Variants in ATP13A1 observed in about 807,000 individuals in gnomAD.
ATP13A1 encodes ATPase 13A1.
ATP13A1 carries 55 observed loss-of-function variants against 134.8 expected under a neutral mutation model. That is an observed-to-expected ratio of 0.41 (90% CI 0.33 to 0.51). The LOEUF (loss-of-function observed/expected upper bound fraction) is 0.51. Ranked by LOEUF, ATP13A1 falls within the 20% of genes least tolerant of loss-of-function variation. The probability of loss-of-function intolerance (pLI) is 0.29; values close to 1 mark genes in which losing one functional copy is unlikely to be tolerated. For synonymous variants in ATP13A1, 775 were observed against 725.1 expected (o/e 1.07, Z -1.10); for missense variants, 1,389 against 1,652.8 (o/e 0.84, Z 2.77).
chr19:19,645,714 A>G lies in ATP13A1; in HGVS notation c.3437T>C (p.Ile1146Thr), dbSNP rs367952388. ...WSLAVSLLAIIGLLLGSSPDF... is the reference protein window; with the variant it reads ...WSLAVSLLAITGLLLGSSPDF... Reference sequence around the variant, plus strand: ...GGGCGAGGAGCCGAGGAGCAGGCCAATGATGGCCAGGAGTGAAACTGCCAG... The same window carrying G: ...GGGCGAGGAGCCGAGGAGCAGGCCAGTGATGGCCAGGAGTGAAACTGCCAG... Residue 1146 changes from isoleucine to threonine, a missense_variant, in exon 25 of 26, where the codon ATT (isoleucine) becomes ACT (threonine). Physicochemically the swap from Ile to Thr is moderately conservative, Grantham distance 89. Transcript: ENST00000357324. This position sits in a 1 kb window ranked among gnomAD's most constrained non-coding sequence, Gnocchi z 4.1. 39 of 1,592,966 alleles carry G rather than the reference A, an allele frequency of 2.4e-5. No individual in the cohort carries two copies. The highest frequency in any genetic ancestry group is 2.0e-4 in the Admixed American group (11 of 55,590).
intron 1 of ATP13A1, 43 bp downstream of exon 1, chr19:19,663,228 G>A: frequency 1.3e-6 from 2 of 1,556,490 alleles, no homozygotes; most frequent in Non-Finnish European, 1.7e-6. Flanking sequence ...CCCACGGCGA[G>A]GCTCGACCGT....
In ATP13A1 at chr19:19,655,001, G is replaced by A. The variant is rs1326414900; in HGVS notation, c.1655+118C>T. 10 of 1,454,770 alleles carry A rather than the reference G, an allele frequency of 6.9e-6. No homozygotes were observed. Among genetic ancestry groups the A allele is most frequent in the Admixed American group, 4.5e-5 (2 of 44,138 alleles). 90.1% of individuals were successfully genotyped at this position (1,454,770 alleles called of 1,614,324 possible). A position where few individuals can be genotyped will look rare whatever the true frequency, so the allele number is the denominator to read the frequency against. On this transcript the variant is annotated intron_variant, in intron 12 of 25. Coordinates refer to ENST00000357324, the MANE Select transcript of ATP13A1 (RefSeq NM_020410.3). This position sits in a 1 kb window ranked among gnomAD's most constrained non-coding sequence, Gnocchi z 5.7. ...GTGGGGAGCCCCTGGAAATGAACCC[G>A]AGGCAGGGCCTCTGACGGGCCCTCA...
In ATP13A1 at chr19:19,656,748, T is replaced by C. The variant is rs1056118291; in HGVS notation, c.995A>G (p.Asn332Ser). ...IVSIGRSPQE[N>S]LVPCDVLLLR... ...CAGAAGCACGTCACATGGCACCAGG[T>C]TCTCCTGTGGGGAGCGGCCTGCAGG... is the stretch of plus-strand genomic sequence containing the variant. Residue 332 changes from asparagine (N) to serine (S), a missense_variant, in exon 7 of 26, where the codon AAC becomes AGC. Transcript: ENST00000357324. The surrounding 1 kb of genome is among the most constrained non-coding windows in gnomAD (Gnocchi z 4.6). 2 of 1,613,714 alleles carry C rather than the reference T, an allele frequency of 1.2e-6. No individual in the cohort carries two copies.
In ATP13A1 at chr19:19,654,036, T is replaced by C; in HGVS notation, c.1922A>G (p.Lys641Arg). ...KRMSVLASYE[K>R]LGSTDLCYIA... ...GTAGCAGAGGTCGGTGGAGCCCAGCTTCTCATACGAGGCAAGCACGGACAT... is the reference window on the plus strand; with the variant it reads ...GTAGCAGAGGTCGGTGGAGCCCAGCCTCTCATACGAGGCAAGCACGGACAT... Residue 641 changes from lysine (K) to arginine (R), a missense_variant, in exon 14 of 26, where the codon AAG becomes AGG. By Grantham distance (26) the Lys-to-Arg change is conservative. Around this residue, in one of 4 missense-constraint regions of ATP13A1, gnomAD observed 747 missense variants for 956.1 expected, o/e 0.78. Coordinates refer to ENST00000357324, the MANE Select transcript of ATP13A1 (RefSeq NM_020410.3). 6.3e-7 allele frequency: 1 copy of C among 1,598,112 alleles called. No homozygotes were observed. Among genetic ancestry groups the C allele is most frequent in the African/African-American group, 1.3e-5 (1 of 74,798 alleles).
At chr19:19,659,276 G>A (rs1345920273) in intron 3 of ATP13A1, among the ~76,000 whole-genome samples, 1 of 152,122 alleles carries the variant, frequency 6.6e-6, no homozygotes, top group Non-Finnish European at 1.5e-5. Context: ...CCAACATGGT[G>A]AAACCCCCAT....
At position 19,649,799 on chromosome 19, in the gene ATP13A1, T is replaced by A. The variant is rs776510843; in HGVS notation, c.2477A>T (p.Gln826Leu). Residue 826 changes from glutamine to leucine, a missense_variant, in exon 18 of 26, where the codon CAG becomes CTG. Gln to Leu is a moderately radical substitution (Grantham distance 113). Around this residue, in one of 4 missense-constraint regions of ATP13A1, gnomAD observed 747 missense variants for 956.1 expected, o/e 0.78. Transcript: ENST00000357324. ...CACATGGGGGATGAGGCGGAGCAGCTGCTGGGGGTCGGTGGCCTGCAGGTG... is the reference window on the plus strand; with the variant it reads ...CACATGGGGGATGAGGCGGAGCAGCAGCTGGGGGTCGGTGGCCTGCAGGTG... ...LAHLQATDPQ[Q>L]LLRLIPHVQV... The A allele has an allele frequency of 3.1e-6, 5 of 1,601,716 alleles. No individual in the cohort carries two copies. In the Admixed American group the frequency reaches 8.4e-5, roughly 27 times the overall value.
chr19:19,663,208 G>A, intron 1 of ATP13A1, 63 bp downstream of exon 1: 2 of 1,550,866 alleles, frequency 1.3e-6, no homozygotes, highest in Non-Finnish European at 1.7e-6. Context: ...CAGGAAGGCC[G>A]CAGCTGGGAC....
chr19:19,647,482 G>C lies in ATP13A1; in HGVS notation c.2840C>G (p.Pro947Arg). Residue 947 changes from proline (P) to arginine (R), a missense_variant, in exon 21 of 26, where the codon CCC becomes CGC. Pro to Arg is a moderately radical substitution (Grantham distance 103). Coordinates refer to ENST00000357324, the MANE Select transcript of ATP13A1 (RefSeq NM_020410.3). The surrounding 1 kb of genome is among the most constrained non-coding windows in gnomAD (Gnocchi z 4.8). Reference sequence around the variant, plus strand: ...GCTGGCATCCCCCAGTTTCACAATGGGCGTACTCTCGTCCTCGAGGTCTCG... The same window carrying C: ...GCTGGCATCCCCCAGTTTCACAATGCGCGTACTCTCGTCCTCGAGGTCTCG... ...VLRDLEDESTPIVKLGDASIA... is the reference protein window; with the variant it reads ...VLRDLEDESTRIVKLGDASIA... 6.2e-7 allele frequency: 1 copy of C among 1,613,420 alleles called. No homozygotes were observed. Among genetic ancestry groups the C allele is most frequent in the Non-Finnish European group, 8.5e-7 (1 of 1,179,666 alleles).
In ATP13A1 at chr19:19,654,601, G is replaced by A. The variant is rs371649386; in HGVS notation, c.1755C>T (p.Leu585=). Residue 585 remains leucine, a synonymous_variant, in exon 13 of 26, where the codon CTC becomes CTT. Coordinates refer to ENST00000357324, the MANE Select transcript of ATP13A1 (RefSeq NM_020410.3). ...TGGCCTTCTCTAGAGGGTCACCCAC[G>A]AGGGTGCCGTCGTCCAGCTGCATGA... is the stretch of plus-strand genomic sequence containing the variant. ...HSLMQLDDGT[L]VGDPLEKAML... is the part of the protein sequence containing the mutation. 1.1e-5 allele frequency: 18 copies of A among 1,613,290 alleles called. No individual in the cohort carries two copies. The African/African-American group carries it at 1.5e-4, about 13-fold the overall frequency.
Position 19,655,941 on chromosome 19 carries a change from G to C in ATP13A1, c.1214-8C>G, listed in dbSNP as rs769598762. ...CGCACCCGCTGTCAACCGCTGGGGA[G>C]AGAAGCAGAGTCACCGTCATGCCTG... On this transcript the variant is annotated splice_region_variant and splice_polypyrimidine_tract_variant and intron_variant, in intron 8 of 25. Coordinates refer to ENST00000357324, the MANE Select transcript of ATP13A1 (RefSeq NM_020410.3). This position sits in a 1 kb window ranked among gnomAD's most constrained non-coding sequence, Gnocchi z 5.7. The C allele has an allele frequency of 1.9e-6, 3 of 1,603,942 alleles. No individual in the cohort carries two copies. The South Asian group carries it at 3.3e-5, about 18-fold the overall frequency.
chr19:19,659,890 G>T lies in ATP13A1; in HGVS notation c.486+8C>A, dbSNP rs1246251061. ...CCCTCCTCCAGGAGCCCAGCAGGCAGTCCCTACCTCATTGCGGTGCAGGGC... is the reference window on the plus strand; with the variant it reads ...CCCTCCTCCAGGAGCCCAGCAGGCATTCCCTACCTCATTGCGGTGCAGGGC... On this transcript the variant is annotated splice_region_variant and intron_variant, in intron 2 of 25. Transcript: ENST00000357324. 3 of 1,590,360 alleles carry T rather than the reference G, an allele frequency of 1.9e-6. No individual in the cohort carries two copies. Among genetic ancestry groups the T allele is most frequent in the African/African-American group, 2.7e-5 (2 of 74,116 alleles).
At chr19:19,652,519 CT>C (rs1185053620) in intron 16 of ATP13A1, 75 bp downstream of exon 16, 3 of 1,517,134 alleles carry the variant, frequency 2.0e-6, no homozygotes, top group Non-Finnish European at 2.7e-6. Flanking sequence ...GTGCCCACCC[CT>C]ACCACGAAGC....
rs1218746372 is a variant in ATP13A1, at chr19:19,656,297, G to A, written c.1084-114C>T. 45 of 1,395,972 alleles carry A rather than the reference G, an allele frequency of 3.2e-5. No homozygotes were observed. The East Asian group carries it at 3.4e-4, about 11-fold the overall frequency. The allele number at this position is 1,395,972 out of a possible 1,614,324, so 86.5% of individuals were successfully genotyped here. ...GAATGAGCCAGGGGGATCCCCACCC[G>A]ACCAATACATCCCACCCAGCTCCCA... is the stretch of plus-strand genomic sequence containing the variant. On this transcript the variant is annotated intron_variant, in intron 7 of 25. Coordinates refer to ENST00000357324, the MANE Select transcript of ATP13A1 (RefSeq NM_020410.3). The surrounding 1 kb of genome is among the most constrained non-coding windows in gnomAD (Gnocchi z 4.6).
chr19:19,659,328 A>G (rs2062079763), intron 3 of ATP13A1, among the ~76,000 whole-genome samples: 2 of 151,962 alleles, frequency 1.3e-5, no homozygotes, highest in South Asian at 4.1e-4. Context: ...TGGTGGGGGG[A>G]GCCTGTATTC....
rs1262579644 is a variant in ATP13A1 at position 19,649,872 on chromosome 19, C to T, written c.2404G>A (p.Ala802Thr). 1 of 1,602,888 alleles carries T rather than the reference C, an allele frequency of 6.2e-7. No homozygotes were observed. Among genetic ancestry groups the T allele is most frequent in the Admixed American group, 1.7e-5 (1 of 59,952 alleles). Residue 802 changes from alanine to threonine, a missense_variant, in exon 18 of 26, where the codon GCA becomes ACA. By Grantham distance (58) the Ala-to-Thr change is moderately conservative. Transcript: ENST00000357324. ...VLPLARGSPK[A>T]LALEYALCLT... ...CACAGTGCGTACTCCAGGGCCAGTGCCTTTGGGGAGCCCCGGGCCAGGGGC... is the reference window on the plus strand; with the variant it reads ...CACAGTGCGTACTCCAGGGCCAGTGTCTTTGGGGAGCCCCGGGCCAGGGGC...
At position 19,663,641 on chromosome 19, in the gene ATP13A1, T is replaced by C. The variant is rs2062109115; in HGVS notation, c.26A>G (p.Asn9Ser). 2.3e-6 allele frequency: 3 copies of C among 1,305,268 alleles called. No homozygotes were observed. Among genetic ancestry groups the C allele is most frequent in the East Asian group, 6.3e-5 (2 of 31,570 alleles). The allele number at this position is 1,305,268 out of a possible 1,614,324, so 80.9% of individuals were successfully genotyped here. A position where few individuals can be genotyped will look rare whatever the true frequency, so the allele number is the denominator to read the frequency against. Residue 9 changes from asparagine (N) to serine (S), a missense_variant, in exon 1 of 26, where the codon AAC (asparagine) becomes AGC (serine). Asn to Ser is a conservative substitution (Grantham distance 46). This residue lies in a region of ATP13A1 where 293 missense variants were observed against 270.8 expected (regional missense o/e 1.08). Transcript: ENST00000357324. ...AGGCCGGGCCCCGCAGGGCACCGCG[T>C]TGCCCACCGCCGCCGCTGCCGCCAT... MAAAAAVG[N>S]AVPCGARPCG...
Position 19,647,215 on chromosome 19 carries a change from G to A in ATP13A1, c.3019C>T (p.Leu1007=). Residue 1007 remains leucine, a synonymous_variant, in exon 22 of 26, where the codon CTG becomes TTG. Coordinates refer to ENST00000357324, the MANE Select transcript of ATP13A1 (RefSeq NM_020410.3). This position sits in a 1 kb window ranked among gnomAD's most constrained non-coding sequence, Gnocchi z 4.8. ...ILAYSQSVLY[L]EGVKFSDFQA... is the part of the protein sequence containing the mutation. Reference sequence around the variant, plus strand: ...AAGTCACTGAACTTGACTCCCTCCAGGTAGAGGACGCTCTGGCTGTAGGCC... The same window carrying A: ...AAGTCACTGAACTTGACTCCCTCCAAGTAGAGGACGCTCTGGCTGTAGGCC... 1 of 1,613,964 alleles carries A rather than the reference G, an allele frequency of 6.2e-7. No homozygotes were observed. Among genetic ancestry groups the A allele is most frequent in the East Asian group, 2.2e-5 (1 of 44,884 alleles).
Position 19,656,065 on chromosome 19 carries a change from G to T in ATP13A1, c.1202C>A (p.Thr401Lys), listed in dbSNP as rs142018186. The part of the protein sequence containing the change: ...VQHIPPQKAT[T>K]GLKPVDSGCV... ...CATGAGGCACCTACGCTTCAGGCCC[G>T]TGGTGGCTTTCTGTGGGGGGATGTG... is the stretch of plus-strand genomic sequence containing the variant. Residue 401 changes from threonine (T) to lysine (K), a missense_variant, in exon 8 of 26, where the codon ACG (threonine) becomes AAG (lysine). Thr to Lys is a moderately conservative substitution (Grantham distance 78). Around this residue, in one of 4 missense-constraint regions of ATP13A1, gnomAD observed 747 missense variants for 956.1 expected, o/e 0.78. Transcript: ENST00000357324. This position sits in a 1 kb window ranked among gnomAD's most constrained non-coding sequence, Gnocchi z 4.6. 6.2e-7 allele frequency: 1 copy of T among 1,613,412 alleles called. No homozygotes were observed. The highest frequency in any genetic ancestry group is 1.3e-5 in the African/African-American group (1 of 74,914).
At chr19:19,659,118 T>C (rs1238042181) in intron 3 of ATP13A1, among the ~76,000 whole-genome samples, 3 of 151,990 alleles carry the variant, frequency 2.0e-5, no homozygotes, top group African/African-American at 4.8e-5. Flanking sequence ...ACTTAGAGCA[T>C]GTTGCTCAAG....
Sources: gnomAD v4.1 joint callset for allele counts (sites outside exome capture counted in the v4.1 genomes callset) on GRCh38, gnomAD v4.1.1 for gene constraint, gnomAD v4.1.1 regional missense constraint, Gnocchi (gnomAD v3.1) non-coding constraint, MANE v1.5 for transcripts, NCBI Gene and HGNC (gene_info 2026-07-23, HGNC 2026-07-21) for gene names.